Variants in LUZP2 observed in about 807,000 individuals in gnomAD.
The protein encoded by LUZP2 is leucine zipper protein 2.
In LUZP2, 52 loss-of-function variants were observed where a neutral mutation model predicts 51.6. That is an observed-to-expected ratio of 1.01 (90% confidence interval 0.81 to 1.27). LUZP2 has a LOEUF of 1.27. Among genes scored for constraint, LUZP2 ranks in the 50% most tolerant of loss-of-function variants. The probability of loss-of-function intolerance (pLI) is 0.00; values close to 1 mark genes in which losing one functional copy is unlikely to be tolerated. For synonymous variants in LUZP2, 154 were observed against 137.3 expected, an observed-to-expected ratio of 1.12 and a Z score of -0.85; for missense variants, 436 against 395.4, an observed-to-expected ratio of 1.10 and a Z score of -0.87.
At chr11:24,996,322 C>G (rs1850267129) in intron 9 of LUZP2, among the ~76,000 whole-genome samples, 1 of 151,296 alleles carries the variant, frequency 6.6e-6, no homozygotes, top group African/African-American at 2.4e-5. Flanking sequence ...CTCTCTCTCT[C>G]TCTCCAATTA....
chr11:24,736,657 C>G (rs1028340554), intron 3 of LUZP2, among the ~76,000 whole-genome samples: 2 of 151,880 alleles, frequency 1.3e-5, no homozygotes, highest in Non-Finnish European at 2.9e-5. Context: ...ACAAAAGTGT[C>G]TTGCACATTG....
intron 9 of LUZP2, among the ~76,000 whole-genome samples, chr11:24,995,420 C>T (rs1263644317): frequency 2.0e-5 from 3 of 151,996 alleles, no homozygotes; most frequent in African/African-American, 2.4e-5. Flanking sequence ...AAGCTAATAA[C>T]ATATATTTAT....
chr11:24,503,584 A>G (rs756974462), intron 1 of LUZP2, among the ~76,000 whole-genome samples: 63 of 152,154 alleles, frequency 4.1e-4, no homozygotes, highest in Non-Finnish European at 5.7e-4. Context: ...TAATCTCTTT[A>G]AGTGTACTTT....
At chr11:24,920,683 G>C (rs576766127) in intron 7 of LUZP2, among the ~76,000 whole-genome samples, 3 of 149,918 alleles carry the variant, frequency 2.0e-5, no homozygotes, top group Non-Finnish European at 4.4e-5. Context: ...AAACAACCCA[G>C]ACACAGAAAT....
At chr11:24,659,948 G>A (rs1470070050) in intron 1 of LUZP2, among the ~76,000 whole-genome samples, 1 of 152,098 alleles carries the variant, frequency 6.6e-6, no homozygotes, top group Non-Finnish European at 1.5e-5. Flanking sequence ...GTGAGAGGGA[G>A]TTTTGCAGTT....
intron 1 of LUZP2, among the ~76,000 whole-genome samples, chr11:24,551,918 C>T (rs1388649585): frequency 1.3e-5 from 2 of 151,980 alleles, no homozygotes; most frequent in African/African-American, 4.8e-5. Context: ...ATTAAACATA[C>T]ACACATACAC....
Position 24,545,431 on chromosome 11 carries a change from A to G in LUZP2, c.62+48126A>G, listed in dbSNP as rs1214857816. Among the ~76,000 whole-genome samples the G allele has an allele frequency of 3.3e-5, 5 of 151,776 alleles. No homozygotes were observed. In the East Asian group the frequency reaches 9.7e-4, roughly 29 times the overall value. On this transcript the variant is annotated intron_variant, in intron 1 of 11. Transcript: ENST00000336930. ...AGTTTTACATTTAAATGTTTAATCT[A>G]TCTTGAGTTGATTCTTGTATACTAT...
rs138596076 is a variant in LUZP2, at chr11:25,043,953, A to G, written c.766-6085A>G. 7.6e-3 allele frequency among the ~76,000 whole-genome samples: 742 copies of G among 97,136 alleles called. 9 individuals carry two copies. Among genetic ancestry groups the G allele is most frequent in the African/African-American group, 0.024 (682 of 28,912 alleles). The allele number at this position is 97,136 out of a possible 152,430, so 63.7% of individuals were successfully genotyped here. A position where few individuals can be genotyped will look rare whatever the true frequency, so the allele number is the denominator to read the frequency against. ...ATATAGTCCTCTACATATATCTGAT[A>G]TATATATAGTCCATATATATCTGAT... On this transcript the variant is annotated intron_variant, in intron 9 of 11. Coordinates refer to ENST00000336930, the MANE Select transcript of LUZP2 (RefSeq NM_001009909.4).
chr11:24,777,759 A>G (rs1182912047), intron 5 of LUZP2, among the ~76,000 whole-genome samples: 1 of 152,116 alleles, frequency 6.6e-6, no homozygotes, highest in Non-Finnish European at 1.5e-5. Context: ...ATTATAGTAC[A>G]TAATTCATTG....
chr11:24,629,549 C>CATATATATAT lies in LUZP2; in HGVS notation c.63-99610_63-99601dup, dbSNP rs3078021. 1.0e-3 allele frequency among the ~76,000 whole-genome samples: 142 copies of CATATATATAT among 141,116 alleles called. 1 individual carries two copies. The highest frequency in any genetic ancestry group is 3.4e-3 in the African/African-American group (131 of 38,310). 92.6% of individuals were successfully genotyped at this position (141,116 alleles called of 152,430 possible). ...CATTGCATATATATATATTCCATTGCATATATATATATATATATACCATAT... is the reference window on the plus strand; with the variant it reads ...CATTGCATATATATATATTCCATTGCATATATATATATATATATATATATATATACCATAT... On this transcript the variant is annotated intron_variant, in intron 1 of 11. Transcript: ENST00000336930.
chr11:24,941,909 A>G (rs909838602), intron 7 of LUZP2, among the ~76,000 whole-genome samples: 2 of 151,944 alleles, frequency 1.3e-5, no homozygotes, highest in African/African-American at 4.8e-5. Context: ...AAAACTGACC[A>G]TGGAACAATT....
At chr11:24,836,592 T>C (rs143107446) in intron 5 of LUZP2, among the ~76,000 whole-genome samples, 1,979 of 151,960 alleles carry the variant, frequency 0.013, 18 homozygotes, top group Middle Eastern at 0.054. Flanking sequence ...CTCTGGTATT[T>C]ATCTCAAAGC....
chr11:24,810,866 A>C (rs1017467483), intron 5 of LUZP2, among the ~76,000 whole-genome samples: 2 of 152,150 alleles, frequency 1.3e-5, no homozygotes, highest in African/African-American at 2.4e-5. Context: ...GTGTATGCTC[A>C]GTGTCACTGA....
At chr11:24,853,747 A>T (rs2631448) in intron 5 of LUZP2, among the ~76,000 whole-genome samples, 23,051 of 152,070 alleles carry the variant, frequency 0.15, 1,906 homozygotes, top group African/African-American at 0.2. Context: ...TTTTTTCCTC[A>T]TCCTCATGGA....
At chr11:24,867,033 C>T (rs183274006) in intron 5 of LUZP2, among the ~76,000 whole-genome samples, 16 of 152,246 alleles carry the variant, frequency 1.1e-4, no homozygotes, top group African/African-American at 3.6e-4. Context: ...AGTAATTCAA[C>T]TTGACTTCAA....
chr11:24,654,478 C>A (rs73434979), intron 1 of LUZP2, among the ~76,000 whole-genome samples: 6,297 of 151,978 alleles, frequency 0.041, 421 homozygotes, highest in African/African-American at 0.14. Flanking sequence ...TGCAGTGGCA[C>A]GCTCTCTGCT....
intron 1 of LUZP2, among the ~76,000 whole-genome samples, chr11:24,603,850 G>A (rs945679863): frequency 6.6e-6 from 1 of 151,354 alleles, no homozygotes; most frequent in African/African-American, 2.4e-5. Flanking sequence ...AGGAATACAG[G>A]GTTTATAATC....
intron 1 of LUZP2, among the ~76,000 whole-genome samples, chr11:24,635,533 C>T (rs1381575065): frequency 1.3e-5 from 2 of 151,970 alleles, no homozygotes; most frequent in Non-Finnish European, 1.5e-5. Flanking sequence ...ATTTTCAGTA[C>T]ATTTCTATGC....
chr11:24,757,886 C>T (rs1859833008), intron 4 of LUZP2, among the ~76,000 whole-genome samples: 1 of 151,998 alleles, frequency 6.6e-6, no homozygotes, highest in South Asian at 2.1e-4. Flanking sequence ...AAATATAATA[C>T]TTGAATAGAC....
Sources: allele counts gnomAD v4.1 joint callset (sites outside exome capture counted in the v4.1 genomes callset), GRCh38; gene constraint gnomAD v4.1.1; transcripts MANE v1.5; gene names NCBI Gene and HGNC (gene_info 2026-07-23, HGNC 2026-07-21).